CMKLR2: variants seen among roughly 807,000 people sequenced by gnomAD.
CMKLR2 encodes the protein chemerin chemokine-like receptor 2.
In CMKLR2, 18 loss-of-function variants were observed where a neutral mutation model predicts 23.0. The ratio of observed to expected loss-of-function variants is 0.78; its 90% CI spans 0.54 to 1.16. The LOEUF (loss-of-function observed/expected upper bound fraction) is 1.16, where lower values mean the gene tolerates loss of function less well. Among genes scored for constraint, CMKLR2 ranks in the 50% most tolerant of loss-of-function variants. CMKLR2 has a pLI of 0.00. For missense variants in CMKLR2, 401 were observed against 412.7 expected, an observed-to-expected ratio of 0.97 and a Z score of 0.25; for synonymous variants, 158 against 158.9, an observed-to-expected ratio of 0.99 and a Z score of 0.05.
chr2:206,205,888 G>C (rs1689298624), intron 1 of CMKLR2, among the ~76,000 whole-genome samples: 1 of 151,182 alleles, frequency 6.6e-6, no homozygotes, highest in Admixed American at 6.6e-5. Flanking sequence ...TAGTAGAGAT[G>C]GGGTTTCTCC....
intron 1 of CMKLR2, among the ~76,000 whole-genome samples, chr2:206,201,150 C>T (rs1689083294): frequency 6.6e-6 from 1 of 152,108 alleles, no homozygotes; most frequent in Non-Finnish European, 1.5e-5. Flanking sequence ...TGGGGTTTTA[C>T]CATGTTGGCC....
At chr2:206,199,467 G>A (rs549891880) in intron 1 of CMKLR2, among the ~76,000 whole-genome samples, 4 of 152,266 alleles carry the variant, frequency 2.6e-5, no homozygotes, top group African/African-American at 7.2e-5. Context: ...AAAGAATGCC[G>A]GGAGGGAAAG....
At chr2:206,186,333 G>A (rs894430574) in intron 1 of CMKLR2, among the ~76,000 whole-genome samples, 19 of 152,062 alleles carry the variant, frequency 1.2e-4, no homozygotes, top group Admixed American at 7.2e-4. Flanking sequence ...GGATGGTCTC[G>A]ATCTCCTGAC....
At chr2:206,192,302 A>T (rs1576050070) in intron 1 of CMKLR2, among the ~76,000 whole-genome samples, 1 of 146,778 alleles carries the variant, frequency 6.8e-6, no homozygotes, top group Non-Finnish European at 1.5e-5. Context: ...AAAAAAATTT[A>T]TTTATTTTTT....
intron 1 of CMKLR2, among the ~76,000 whole-genome samples, chr2:206,195,528 C>G (rs1365349757): frequency 6.6e-6 from 1 of 152,174 alleles, no homozygotes; most frequent in East Asian, 1.9e-4. Flanking sequence ...AAGGCACTGA[C>G]TCATGCACTA....
Position 206,200,524 on chromosome 2 carries a change from G to A in CMKLR2, c.-29+12783C>T, listed in dbSNP as rs536700869. Among the ~76,000 whole-genome samples the A allele has an allele frequency of 2.0e-5, 3 of 152,340 alleles. No individual in the cohort carries two copies. The South Asian group carries it at 6.2e-4, about 32-fold the overall frequency. On this transcript the variant is annotated intron_variant, in intron 1 of 1. Transcript: ENST00000621141. ...ATACTTTAGACAATTCAAAAGCCAA[G>A]TACATCTCCAGGTATTCAAATTCAA... is the stretch of plus-strand genomic sequence containing the variant.
chr2:206,199,905 T>C (rs978055103), intron 1 of CMKLR2, among the ~76,000 whole-genome samples: 1 of 152,076 alleles, frequency 6.6e-6, no homozygotes, highest in African/African-American at 2.4e-5. Context: ...TCCACATACC[T>C]ATTCTCTAAC....
chr2:206,194,645 AG>A (rs1688860452), intron 1 of CMKLR2, among the ~76,000 whole-genome samples: 1 of 151,282 alleles, frequency 6.6e-6, no homozygotes, highest in African/African-American at 2.4e-5. Flanking sequence ...CATGTCGGCC[AG>A]GCTGATCTTG....
chr2:206,192,849 T>C (rs907200036), intron 1 of CMKLR2, among the ~76,000 whole-genome samples: 3 of 152,212 alleles, frequency 2.0e-5, no homozygotes, highest in Non-Finnish European at 4.4e-5. Context: ...AATCCAAGGA[T>C]GCTCAAGTCC....
intron 1 of CMKLR2, among the ~76,000 whole-genome samples, chr2:206,197,057 G>A (rs1209600037): frequency 1.3e-5 from 2 of 152,008 alleles, no homozygotes; most frequent in African/African-American, 2.4e-5. Flanking sequence ...CTACAGGTGC[G>A]CACCACCACG....
chr2:206,200,312 G>A (rs1689053497), intron 1 of CMKLR2, among the ~76,000 whole-genome samples: 1 of 152,108 alleles, frequency 6.6e-6, no homozygotes, highest in African/African-American at 2.4e-5. Flanking sequence ...AATCCCAGCT[G>A]CTCGGGAGGC....
At chr2:206,211,063 C>T (rs545887369) in intron 1 of CMKLR2, among the ~76,000 whole-genome samples, 1 of 152,126 alleles carries the variant, frequency 6.6e-6, no homozygotes, top group South Asian at 2.1e-4. Context: ...CTTGGATTCT[C>T]CACCTTTTTC....
At chr2:206,184,302 T>C (rs78664962) in intron 1 of CMKLR2, among the ~76,000 whole-genome samples, 21 of 139,814 alleles carry the variant, frequency 1.5e-4, no homozygotes, top group African/African-American at 3.1e-4. Context: ...CTCTCTCTCT[T>C]TTTTTTTTTT....
rs1010348374 is a variant in CMKLR2 at position 206,185,225 on chromosome 2, G to A, written c.-28-7950C>T. On this transcript the variant is annotated intron_variant, in intron 1 of 1. Transcript: ENST00000621141. ...TAGTCTCAAACTTCTGACCTCAAGT[G>A]ATCTGCCCACCTCAGCATCCCAAAT... Among the ~76,000 whole-genome samples, 4 of 152,178 alleles carry A rather than the reference G, an allele frequency of 2.6e-5. No homozygotes were observed. The East Asian group carries it at 5.8e-4, about 22-fold the overall frequency.
intron 1 of CMKLR2, among the ~76,000 whole-genome samples, chr2:206,177,664 G>A (rs906606860): frequency 6.6e-6 from 1 of 152,130 alleles, no homozygotes; most frequent in Non-Finnish European, 1.5e-5. Flanking sequence ...TGGGATTATA[G>A]GCATGAGCAA....
At chr2:206,209,793 C>A (rs1387502168) in intron 1 of CMKLR2, among the ~76,000 whole-genome samples, 1 of 145,518 alleles carries the variant, frequency 6.9e-6, no homozygotes, top group Non-Finnish European at 1.5e-5. Flanking sequence ...GGACTACAGG[C>A]GCCCGCCACG....
intron 1 of CMKLR2, among the ~76,000 whole-genome samples, chr2:206,201,338 C>T (rs1469701431): frequency 1.3e-5 from 2 of 152,188 alleles, no homozygotes; most frequent in African/African-American, 4.8e-5. Context: ...GATAATGTGT[C>T]TAGGCAGAAA....
At position 206,176,684 on chromosome 2, in the gene CMKLR2, A is replaced by G. The variant is rs776274842; in HGVS notation, c.564T>C (p.Tyr188=). The change falls in exon 2 of 2, where the codon TAT becomes TAC. Residue 188 remains tyrosine (Y), a synonymous_variant. Coordinates refer to ENST00000621141, the MANE Select transcript of CMKLR2 (RefSeq NM_001389445.1). Reference sequence around the variant, plus strand: ...CAGGATCATGCTTCTGAAAATTGTTATAGCAAAGAGTATGATTATTGAACT... The same window carrying G: ...CAGGATCATGCTTCTGAAAATTGTTGTAGCAAAGAGTATGATTATTGAACT... ...TVEFNNHTLC[Y]NNFQKHDPDL... The G allele has an allele frequency of 4.3e-6, 7 of 1,614,110 alleles. No homozygotes were observed. The Admixed American group carries it at 1.0e-4, about 23-fold the overall frequency.
At chr2:206,199,506 G>C (rs994335636) in intron 1 of CMKLR2, among the ~76,000 whole-genome samples, 1 of 152,040 alleles carries the variant, frequency 6.6e-6, no homozygotes, top group African/African-American at 2.4e-5. Context: ...AAAAGATCCT[G>C]GTTCAATGGT....
Sources: allele counts gnomAD v4.1 joint callset (sites outside exome capture counted in the v4.1 genomes callset), GRCh38; gene constraint gnomAD v4.1.1; transcripts MANE v1.5; gene names NCBI Gene and HGNC (gene_info 2026-07-23, HGNC 2026-07-21).